SRBD1: variants seen among roughly 807,000 people sequenced by gnomAD.
SRBD1 encodes the protein S1 RNA binding domain 1.
In SRBD1, 88 loss-of-function variants were observed where a neutral mutation model predicts 115.3. The ratio of observed to expected loss-of-function variants is 0.76; its 90% CI spans 0.64 to 0.91. The LOEUF (loss-of-function observed/expected upper bound fraction) is 0.91, where lower values mean the gene tolerates loss of function less well. Among genes scored for constraint, SRBD1 ranks in the 40% least tolerant of loss-of-function variants. SRBD1 has a pLI of 0.00. For missense variants in SRBD1, 1,385 were observed against 1,177.4 expected (o/e 1.18, Z -2.58); for synonymous variants, 509 against 407.7 (o/e 1.25, Z -2.99).
intron 16 of SRBD1, among the ~76,000 whole-genome samples, chr2:45,425,096 AT>A (rs1161284741): frequency 2.6e-5 from 4 of 152,168 alleles, no homozygotes; most frequent in Non-Finnish European, 5.9e-5. Flanking sequence ...TCTCTTTATC[AT>A]TTAATCAAGA....
intron 18 of SRBD1, among the ~76,000 whole-genome samples, chr2:45,415,510 G>A (rs543817966): frequency 6.9e-6 from 1 of 145,828 alleles, no homozygotes; most frequent in South Asian, 2.2e-4. Context: ...TATATAGTGT[G>A]TATGTGTATA....
chr2:45,409,253 C>G lies in SRBD1; in HGVS notation c.2513+3861G>C, dbSNP rs559660254. Among the ~76,000 whole-genome samples, 28 of 152,126 alleles carry G rather than the reference C, an allele frequency of 1.8e-4. No individual in the cohort carries two copies. In the South Asian group the frequency reaches 2.7e-3, roughly 15 times the overall value. On this transcript the variant is annotated intron_variant, in intron 19 of 20. Transcript: ENST00000263736. ...CTCCGATTGATTCTCCCCCTCCCCC[C>G]AAAAAAAGATAGTGATTTGCACAGA... is the stretch of plus-strand genomic sequence containing the variant.
In SRBD1 at chr2:45,389,261, A is replaced by T; in HGVS notation, c.*49T>A. Reference sequence around the variant, plus strand: ...ACAAACAACTGACTTATCCTTGTCAATCTGTGGAAATGAGAAAATAAAATC... The same window carrying T: ...ACAAACAACTGACTTATCCTTGTCATTCTGTGGAAATGAGAAAATAAAATC... On this transcript the variant is annotated 3_prime_UTR_variant, in exon 21 of 21. Transcript: ENST00000263736. 2 of 1,582,024 alleles carry T rather than the reference A, an allele frequency of 1.3e-6. No individual in the cohort carries two copies. Among genetic ancestry groups the T allele is most frequent in the Non-Finnish European group, 1.7e-6 (2 of 1,162,082 alleles).
intron 16 of SRBD1, among the ~76,000 whole-genome samples, chr2:45,448,465 T>C (rs1668894484): frequency 6.6e-6 from 1 of 152,170 alleles, no homozygotes; most frequent in Admixed American, 6.6e-5. Context: ...ACAAAGGTAT[T>C]CAGCATTAGG....
At chr2:45,524,347 AAAGG>A (rs1355950414) in intron 14 of SRBD1, among the ~76,000 whole-genome samples, 1 of 152,070 alleles carries the variant, frequency 6.6e-6, no homozygotes, top group East Asian at 1.9e-4. Flanking sequence ...CCCATAGTAG[AAAGG>A]AAGAAGATGA....
At chr2:45,497,980 G>A (rs1324885141) in intron 14 of SRBD1, among the ~76,000 whole-genome samples, 2 of 152,074 alleles carry the variant, frequency 1.3e-5, no homozygotes, top group Admixed American at 1.3e-4. Flanking sequence ...CCCCAGCCTG[G>A]GCGACAGAGT....
chr2:45,571,517 C>CAAAA (rs58100763), intron 9 of SRBD1, among the ~76,000 whole-genome samples: 36 of 39,400 alleles, frequency 9.1e-4, no homozygotes, highest in African/African-American at 1.2e-3. Flanking sequence ...CAGACTTTAC[C>CAAAA]AAAAAAAAAA....
At chr2:45,497,681 A>G (rs544040065) in intron 14 of SRBD1, among the ~76,000 whole-genome samples, 24 of 152,186 alleles carry the variant, frequency 1.6e-4, no homozygotes, top group Non-Finnish European at 2.9e-4. Flanking sequence ...ATATAATTCA[A>G]TGACTTTTAG....
rs145553537 is a variant in SRBD1 at position 45,426,819 on chromosome 2, G to A, written c.2050-6925C>T. Among the ~76,000 whole-genome samples, 650 of 152,164 alleles carry A rather than the reference G, an allele frequency of 4.3e-3. 7 individuals carry two copies. Among genetic ancestry groups the A allele is most frequent in the African/African-American group, 0.015 (611 of 41,528 alleles). On this transcript the variant is annotated intron_variant, in intron 16 of 20. Coordinates refer to ENST00000263736, the MANE Select transcript of SRBD1 (RefSeq NM_018079.5). ...TAGCATCAACATCAACAAAAAGGAC[G>A]TCCACACAAAATCCCCATCCGAAGG...
chr2:45,522,697 T>C (rs1671323144), intron 14 of SRBD1, among the ~76,000 whole-genome samples: 1 of 152,236 alleles, frequency 6.6e-6, no homozygotes, highest in South Asian at 2.1e-4. Flanking sequence ...CAAATAAAGA[T>C]GATAAGGATG....
chr2:45,463,199 C>T (rs1358928108), intron 16 of SRBD1, among the ~76,000 whole-genome samples: 3 of 152,072 alleles, frequency 2.0e-5, no homozygotes, highest in Admixed American at 1.3e-4. Context: ...TCAACGAGGC[C>T]ACCCTTCCTG....
intron 14 of SRBD1, among the ~76,000 whole-genome samples, chr2:45,531,035 C>G (rs1671596455): frequency 6.6e-6 from 1 of 151,678 alleles, no homozygotes; most frequent in Non-Finnish European, 1.5e-5. Flanking sequence ...ATACTGCTCC[C>G]TACACACACA....
intron 14 of SRBD1, among the ~76,000 whole-genome samples, chr2:45,509,512 C>A (rs13014204): frequency 6.7e-6 from 1 of 148,584 alleles, no homozygotes; most frequent in African/African-American, 2.5e-5. Context: ...AGGAGAATGG[C>A]GTGAACCCAG....
At chr2:45,583,074 T>C (rs1395280163) in intron 5 of SRBD1, among the ~76,000 whole-genome samples, 1 of 152,178 alleles carries the variant, frequency 6.6e-6, no homozygotes, top group Admixed American at 6.5e-5. Flanking sequence ...AGTTAATGCT[T>C]CTCATCCTAT....
At position 45,601,955 on chromosome 2, in the gene SRBD1, T is replaced by C. The variant is rs146680640; in HGVS notation, c.209A>G (p.Asn70Ser). The C allele has an allele frequency of 3.5e-4, 559 of 1,614,242 alleles. No homozygotes were observed. The Middle Eastern group carries it at 4.3e-3, about 12-fold the overall frequency. ...KPKRMPRVKK[N>S]APQISDGSEV... ...TGAGCCATCACTGATCTGTGGGGCATTCTTCTTCACCCGAGGCATCCTCTT... is the reference window on the plus strand; with the variant it reads ...TGAGCCATCACTGATCTGTGGGGCACTCTTCTTCACCCGAGGCATCCTCTT... Residue 70 changes from asparagine (N) to serine (S), a missense_variant, in exon 3 of 21, where the codon AAT becomes AGT. Transcript: ENST00000263736.
chr2:45,605,763 G>C (rs1674249515), intron 1 of SRBD1, among the ~76,000 whole-genome samples: 1 of 152,096 alleles, frequency 6.6e-6, no homozygotes, highest in Non-Finnish European at 1.5e-5. Flanking sequence ...AATTAGCCAG[G>C]TGTGGTCGTG....
At chr2:45,597,116 T>C (rs560510883) in intron 4 of SRBD1, among the ~76,000 whole-genome samples, 3 of 152,220 alleles carry the variant, frequency 2.0e-5, no homozygotes, top group Admixed American at 2.0e-4. Context: ...AATCAGACTT[T>C]CTTCTTAAAA....
chr2:45,428,001 T>A (rs2103662763), intron 16 of SRBD1, among the ~76,000 whole-genome samples: 1 of 152,332 alleles, frequency 6.6e-6, no homozygotes, highest in Non-Finnish European at 1.5e-5. Context: ...CAAGCAGACC[T>A]AATAGACATC....
intron 16 of SRBD1, among the ~76,000 whole-genome samples, chr2:45,443,411 CAG>C (rs1405198241): frequency 6.6e-6 from 1 of 152,062 alleles, no homozygotes; most frequent in African/African-American, 2.4e-5. Flanking sequence ...TTAATAGAAA[CAG>C]GGAAGGATAA....
Sources: allele counts gnomAD v4.1 joint callset (sites outside exome capture counted in the v4.1 genomes callset), GRCh38; gene constraint gnomAD v4.1.1; transcripts MANE v1.5; gene names NCBI Gene and HGNC (gene_info 2026-07-23, HGNC 2026-07-21).